The following UHRF2 variants were observed in gnomAD, a reference collection of about 807,000 sequenced individuals.
UHRF2 encodes the protein ubiquitin like with PHD and ring finger domains 2.
A neutral mutation model predicts 96.8 loss-of-function variants in UHRF2; 23 were observed. The ratio of observed to expected loss-of-function variants is 0.24; its 90% CI spans 0.17 to 0.34. The LOEUF is 0.34. UHRF2 is among the 10% of genes least tolerant of loss of function. The pLI is 1.00. For synonymous variants in UHRF2, 385 were observed against 332.6 expected (o/e 1.16, Z -1.72); for missense variants, 685 against 981.5 (o/e 0.70, Z 4.04).
intron 2 of UHRF2, among the ~76,000 whole-genome samples, chr9:6,433,150 G>A (rs780761601): frequency 1.3e-5 from 2 of 152,104 alleles, no homozygotes; most frequent in Non-Finnish European, 2.9e-5. Context: ...TTTAAACAGC[G>A]TTTAAAAGGA....
chr9:6,458,780 C>T (rs1822338069), intron 3 of UHRF2, among the ~76,000 whole-genome samples: 1 of 152,184 alleles, frequency 6.6e-6, no homozygotes, highest in Non-Finnish European at 1.5e-5. Flanking sequence ...ATGTTTATTG[C>T]AGCACTGTTC....
rs1205388792 is a variant in UHRF2, at chr9:6,434,722, AG to A, written c.644+550del. 6.6e-5 allele frequency among the ~76,000 whole-genome samples: 10 copies of A among 152,130 alleles called. No individual in the cohort carries two copies. The East Asian group carries it at 1.9e-3, about 29-fold the overall frequency. ...CCAAAGTGCTGGGATTACAGGGGTG[AG>A]CCACTGCGCCTGGCCTCTATTAGGT... On this transcript the variant is annotated intron_variant, in intron 3 of 15. Transcript: ENST00000276893.
intron 3 of UHRF2, among the ~76,000 whole-genome samples, chr9:6,437,905 C>T (rs1820945075): frequency 1.3e-5 from 2 of 152,148 alleles, no homozygotes; most frequent in South Asian, 4.1e-4. Context: ...AGCCACCGCA[C>T]CCGGCTAGTT....
chr9:6,478,959 C>G (rs1363264719), intron 6 of UHRF2, among the ~76,000 whole-genome samples: 1 of 152,164 alleles, frequency 6.6e-6, no homozygotes, highest in East Asian at 1.9e-4. Context: ...CATATTCCTG[C>G]TTCTCTAAAA....
At position 6,420,896 on chromosome 9, in the gene UHRF2, T is replaced by A; in HGVS notation, c.154-16T>A. ...ATTTTAGAGAAGCATTTCACTATTC[T>A]TTCTTTATTTTCTAGTTGGAAAATG... is the stretch of plus-strand genomic sequence containing the variant. On this transcript the variant is annotated splice_polypyrimidine_tract_variant and intron_variant, in intron 1 of 15. Coordinates refer to ENST00000276893, the MANE Select transcript of UHRF2 (RefSeq NM_152896.3). 1 of 1,590,216 alleles carries A rather than the reference T, an allele frequency of 6.3e-7. No homozygotes were observed.
chr9:6,503,994 T>C (rs1470172810), intron 14 of UHRF2, among the ~76,000 whole-genome samples: 4 of 151,334 alleles, frequency 2.6e-5, no homozygotes, highest in Non-Finnish European at 4.4e-5. Flanking sequence ...TCAAGAGTAC[T>C]TGATTTTTTT....
intron 3 of UHRF2, among the ~76,000 whole-genome samples, chr9:6,459,768 TTCTAAA>T (rs1822412891): frequency 1.3e-5 from 2 of 152,014 alleles, no homozygotes; most frequent in South Asian, 4.2e-4. Flanking sequence ...AGGCCAGGAG[TTCTAAA>T]CCAGCGTCAT....
At chr9:6,446,076 T>G (rs1186353381) in intron 3 of UHRF2, among the ~76,000 whole-genome samples, 1 of 147,350 alleles carries the variant, frequency 6.8e-6, no homozygotes, top group East Asian at 2.2e-4. Flanking sequence ...CACTGCTGCC[T>G]TGACTTCCCT....
intron 4 of UHRF2, among the ~76,000 whole-genome samples, chr9:6,467,331 C>A (rs1247616444): frequency 1.3e-5 from 2 of 152,156 alleles, no homozygotes; most frequent in African/African-American, 4.8e-5. Context: ...CCTCCCCTTC[C>A]CCTGTGATTA....
chr9:6,462,687 G>T (rs1423871265), intron 4 of UHRF2, among the ~76,000 whole-genome samples: 2 of 152,186 alleles, frequency 1.3e-5, no homozygotes, highest in Admixed American at 1.3e-4. Context: ...GGGAGACCAA[G>T]GTGGGCGGAT....
At chr9:6,431,601 C>A (rs1011055465) in intron 2 of UHRF2, among the ~76,000 whole-genome samples, 1 of 152,138 alleles carries the variant, frequency 6.6e-6, no homozygotes, top group African/African-American at 2.4e-5. Context: ...ATTCTTACGT[C>A]CAGTTGTAAA....
chr9:6,433,867 C>T (rs747663342), intron 2 of UHRF2, 47 bp from the exon 3 acceptor site: 2 of 1,568,840 alleles, frequency 1.3e-6, no homozygotes, highest in Non-Finnish European at 8.7e-7. Flanking sequence ...GTTTTTGAAG[C>T]AGTAGACAAA....
At chr9:6,445,615 T>C (rs1821440609) in intron 3 of UHRF2, among the ~76,000 whole-genome samples, 1 of 152,198 alleles carries the variant, frequency 6.6e-6, no homozygotes, top group South Asian at 2.1e-4. Context: ...TGGAGTGCAG[T>C]GGCACAACCA....
At chr9:6,457,058 G>A (rs1240104014) in intron 3 of UHRF2, among the ~76,000 whole-genome samples, 1 of 152,184 alleles carries the variant, frequency 6.6e-6, no homozygotes, top group East Asian at 1.9e-4. Context: ...GTCATTGTCA[G>A]TTTGATGGGG....
intron 1 of UHRF2, among the ~76,000 whole-genome samples, chr9:6,417,794 C>A (rs560709677): frequency 6.6e-6 from 1 of 152,082 alleles, no homozygotes; most frequent in Non-Finnish European, 1.5e-5. Flanking sequence ...GACATTTTTT[C>A]CTGTCAAATC....
chr9:6,413,459 CA>C lies in UHRF2; in HGVS notation c.-29del. On this transcript the variant is annotated 5_prime_UTR_variant, in exon 1 of 16. Coordinates refer to ENST00000276893, the MANE Select transcript of UHRF2 (RefSeq NM_152896.3). ...GCGGCGCCCAGAGCTCAGGGGGAGA[CA>C]AAGGGGACCGGTTCCTCTCTAGGCG... 1 of 1,496,566 alleles carries C rather than the reference CA, an allele frequency of 6.7e-7. No individual in the cohort carries two copies. The allele number at this position is 1,496,566 out of a possible 1,614,324, so 92.7% of individuals were successfully genotyped here. A position where few individuals can be genotyped will look rare whatever the true frequency, so the allele number is the denominator to read the frequency against.
At chr9:6,492,728 C>T (rs1587873892) in intron 9 of UHRF2, 1 of 151,650 alleles carries the variant, frequency 6.6e-6, no homozygotes. Flanking sequence ...TAATTGTGCA[C>T]TGATAGTTAC....
chr9:6,502,901 A>G (rs543228957), intron 14 of UHRF2, among the ~76,000 whole-genome samples: 4 of 152,338 alleles, frequency 2.6e-5, no homozygotes, highest in Non-Finnish European at 5.9e-5. Context: ...AATATATTTG[A>G]CTTTAATGAT....
chr9:6,446,112 C>T (rs1821486517), intron 3 of UHRF2, among the ~76,000 whole-genome samples: 1 of 151,310 alleles, frequency 6.6e-6, no homozygotes, highest in South Asian at 2.1e-4. Flanking sequence ...CCTGCCTTAG[C>T]CTCCTAAGTA....
Sources: gnomAD v4.1 joint callset for allele counts (sites outside exome capture counted in the v4.1 genomes callset) on GRCh38, gnomAD v4.1.1 for gene constraint, MANE v1.5 for transcripts, NCBI Gene and HGNC (gene_info 2026-07-23, HGNC 2026-07-21) for gene names.